Variants in RBFOX1 observed in about 807,000 individuals in gnomAD.
The protein encoded by RBFOX1 is RNA binding protein fox-1 homolog 1.
RBFOX1 carries 8 observed loss-of-function variants against 57.7 expected under a neutral mutation model. That is an observed-to-expected ratio of 0.14 (90% CI 0.08 to 0.25). The LOEUF (loss-of-function observed/expected upper bound fraction) is 0.25, where lower values mean the gene tolerates loss of function less well. Among genes scored for constraint, RBFOX1 ranks in the 10% least tolerant of loss-of-function variants. The pLI is 1.00. For synonymous variants in RBFOX1, 326 were observed against 222.4 expected (o/e 1.47, Z -4.15); for missense variants, 611 against 548.5 (o/e 1.11, Z -1.14).
chr16:6,172,308 G>T (rs1313305146), intron 1 of RBFOX1, among the ~76,000 whole-genome samples: 1 of 152,158 alleles, frequency 6.6e-6, no homozygotes, highest in Non-Finnish European at 1.5e-5. Flanking sequence ...TCTGCAAGTT[G>T]CTCTGGTGGG....
intron 2 of RBFOX1, among the ~76,000 whole-genome samples, chr16:5,555,310 G>A (rs113042198): frequency 0.29 from 43,351 of 151,976 alleles, 6,881 homozygotes; most frequent in Non-Finnish European, 0.35. Flanking sequence ...TTGGAGTGCA[G>A]TGGTGTGATC....
At chr16:5,941,127 A>T (rs1009845235) in intron 4 of RBFOX1, among the ~76,000 whole-genome samples, 7 of 152,188 alleles carry the variant, frequency 4.6e-5, no homozygotes, top group African/African-American at 1.7e-4. Context: ...AGCTTAAATT[A>T]ACAAAAAGCG....
intron 3 of RBFOX1, among the ~76,000 whole-genome samples, chr16:6,971,910 T>C (rs1402918278): frequency 1.3e-5 from 2 of 151,800 alleles, no homozygotes; most frequent in Non-Finnish European, 2.9e-5. Flanking sequence ...CTCAGTGGGG[T>C]GGTGAGATGG....
chr16:6,544,010 C>G (rs1042035038), intron 2 of RBFOX1, among the ~76,000 whole-genome samples: 1 of 152,154 alleles, frequency 6.6e-6, no homozygotes. Flanking sequence ...TCTCTGGTTT[C>G]TTATGTTTGC....
chr16:7,182,533 T>C (rs1441398876), intron 4 of RBFOX1, among the ~76,000 whole-genome samples: 1 of 152,172 alleles, frequency 6.6e-6, no homozygotes, highest in Admixed American at 6.6e-5. Flanking sequence ...GTTATAGAAA[T>C]ATGGAAACAA....
At chr16:6,206,255 G>A (rs934940209) in intron 1 of RBFOX1, among the ~76,000 whole-genome samples, 1 of 152,018 alleles carries the variant, frequency 6.6e-6, no homozygotes, top group Non-Finnish European at 1.5e-5. Context: ...CCGCTGCCAG[G>A]ACGTTGTGTG....
chr16:6,654,510 A>C (rs2098631732), intron 2 of RBFOX1, 93 bp from the exon 3 acceptor site: 1 of 976,158 alleles, frequency 1.0e-6, no homozygotes. Flanking sequence ...TATTATTTTA[A>C]AGGGCATTTC....
At chr16:6,212,947 G>T (rs1377480398) in intron 1 of RBFOX1, among the ~76,000 whole-genome samples, 1 of 152,092 alleles carries the variant, frequency 6.6e-6, no homozygotes, top group East Asian at 1.9e-4. Flanking sequence ...ACATAAAGAG[G>T]CAGACCTGAA....
intron 3 of RBFOX1, among the ~76,000 whole-genome samples, chr16:6,818,363 C>T (rs187745041): frequency 8.5e-5 from 13 of 152,182 alleles, no homozygotes; most frequent in Admixed American, 8.5e-4. Context: ...ACCCATCCCA[C>T]AAGTGGGACT....
At chr16:7,565,423 G>A (rs749173834) in intron 5 of RBFOX1, among the ~76,000 whole-genome samples, 25 of 152,210 alleles carry the variant, frequency 1.6e-4, no homozygotes, top group Non-Finnish European at 2.6e-4. Flanking sequence ...AGAGCTCTGC[G>A]ATATTATTTT....
At chr16:7,588,714 A>G (rs1245905861) in intron 7 of RBFOX1, among the ~76,000 whole-genome samples, 1 of 152,220 alleles carries the variant, frequency 6.6e-6, no homozygotes, top group African/African-American at 2.4e-5. Flanking sequence ...GTCACAGGCC[A>G]CATTGCCAGC....
At chr16:5,958,705 G>T (rs1017618950) in intron 4 of RBFOX1, among the ~76,000 whole-genome samples, 1 of 152,194 alleles carries the variant, frequency 6.6e-6, no homozygotes, top group Non-Finnish European at 1.5e-5. Context: ...GACCTGTGGG[G>T]TTAAAATCAA....
intron 1 of RBFOX1, among the ~76,000 whole-genome samples, chr16:6,258,259 T>C (rs1042359935): frequency 6.6e-6 from 1 of 152,224 alleles, no homozygotes; most frequent in African/African-American, 2.4e-5. Flanking sequence ...TTGTACATAT[T>C]GCATAATCAA....
At chr16:5,767,595 T>C (rs1193954582) in intron 3 of RBFOX1, among the ~76,000 whole-genome samples, 1 of 152,206 alleles carries the variant, frequency 6.6e-6, no homozygotes, top group African/African-American at 2.4e-5. Flanking sequence ...AGCTTCCTGC[T>C]TTTGTCACAC....
intron 3 of RBFOX1, among the ~76,000 whole-genome samples, chr16:5,692,319 G>A (rs557220532): frequency 6.0e-4 from 92 of 152,148 alleles, no homozygotes; most frequent in African/African-American, 2.0e-3. Flanking sequence ...ACAAGCCAAG[G>A]AACTGCAGGC....
chr16:5,585,562 G>C (rs1048221579), intron 2 of RBFOX1, among the ~76,000 whole-genome samples: 4 of 152,208 alleles, frequency 2.6e-5, no homozygotes, highest in Non-Finnish European at 5.9e-5. Context: ...CCTCTGTGGA[G>C]AGTGCAGCTA....
intron 1 of RBFOX1, among the ~76,000 whole-genome samples, chr16:5,401,364 C>G (rs2066709090): frequency 6.6e-6 from 1 of 152,074 alleles, no homozygotes; most frequent in Non-Finnish European, 1.5e-5. Flanking sequence ...AGCGTATGAT[C>G]AATGTTCCTG....
At position 6,993,307 on chromosome 16, in the gene RBFOX1, C is replaced by G. The variant is rs77336311; in HGVS notation, c.-15-58750C>G. On this transcript the variant is annotated intron_variant, in intron 3 of 15. Coordinates refer to ENST00000550418, the MANE Select transcript of RBFOX1 (RefSeq NM_018723.4). ...AAATGAGTCTTCTGAGAATCAGGAT[C>G]TCTTGAAAAAGATAACACATCAGTA... Among the ~76,000 whole-genome samples, 1,050 of 152,300 alleles carry G rather than the reference C, an allele frequency of 6.9e-3. 13 individuals carry two copies. The highest frequency in any genetic ancestry group is 0.024 in the African/African-American group (978 of 41,550).
At chr16:5,908,317 C>G (rs1332733564) in intron 4 of RBFOX1, among the ~76,000 whole-genome samples, 1 of 144,682 alleles carries the variant, frequency 6.9e-6, no homozygotes, top group Non-Finnish European at 1.5e-5. Context: ...CATATATACA[C>G]ACACACATAT....
Sources: gnomAD v4.1 joint callset for allele counts (sites outside exome capture counted in the v4.1 genomes callset) on GRCh38, gnomAD v4.1.1 for gene constraint, MANE v1.5 for transcripts, NCBI Gene and HGNC (gene_info 2026-07-23, HGNC 2026-07-21) for gene names.